Variants in PADI4 observed in about 807,000 individuals in gnomAD.
The protein encoded by PADI4 is protein-arginine deiminase type-4.
In PADI4, 62 loss-of-function variants were observed where a neutral mutation model predicts 75.0. The ratio of observed to expected loss-of-function variants is 0.83; its 90% CI spans 0.67 to 1.02. The LOEUF is 1.02. Ranked by LOEUF, PADI4 falls within the 50% of genes least tolerant of loss-of-function variation. The probability of loss-of-function intolerance (pLI) is 0.00; values close to 1 mark genes in which losing one functional copy is unlikely to be tolerated. For missense variants in PADI4, 845 were observed against 850.5 expected (o/e 0.99, Z 0.08); for synonymous variants, 361 against 348.1 (o/e 1.04, Z -0.41).
chr1:17,342,318 T>C lies in PADI4; in HGVS notation c.851T>C (p.Val284Ala), dbSNP rs1364382486. Residue 284 changes from valine to alanine, a missense_variant, in exon 8 of 16, where the codon GTG (valine) becomes GCG (alanine). By Grantham distance (64) the Val-to-Ala change is moderately conservative (BLOSUM62 0). Coordinates refer to ENST00000375448, the MANE Select transcript of PADI4 (RefSeq NM_012387.3). The part of the protein sequence containing the change: ...TSNLELPEAV[V>A]FQDSVVFRVA... Reference sequence around the variant, plus strand: ...CTGCAGGAGCTCCCCGAGGCTGTGGTGTTCCAAGACAGCGTGGTCTTCCGC... The same window carrying C: ...CTGCAGGAGCTCCCCGAGGCTGTGGCGTTCCAAGACAGCGTGGTCTTCCGC... 3 of 1,613,198 alleles carry C rather than the reference T, an allele frequency of 1.9e-6. No individual in the cohort carries two copies. The highest frequency in any genetic ancestry group is 2.2e-5 in the South Asian group (2 of 91,060).
chr1:17,335,467 C>A (rs907547621), intron 3 of PADI4, among the ~76,000 whole-genome samples: 1 of 152,212 alleles, frequency 6.6e-6, no homozygotes, highest in Non-Finnish European at 1.5e-5. Flanking sequence ...CCGGCCCTAA[C>A]TAAGACGTGG....
At chr1:17,309,172 GAAA>G (rs35072789) in intron 1 of PADI4, among the ~76,000 whole-genome samples, 132,941 of 143,730 alleles carry the variant, frequency 0.92, 62,146 homozygotes, top group East Asian at 1. Flanking sequence ...ATTTTCCCTG[GAAA>G]AAAAAAAAAA....
chr1:17,347,504 C>T (rs1240053860), intron 9 of PADI4, among the ~76,000 whole-genome samples: 6 of 152,090 alleles, frequency 3.9e-5, no homozygotes, highest in Admixed American at 6.6e-5. Context: ...GAGGAGGCCG[C>T]GAGCTCTGGC....
intron 10 of PADI4, chr1:17,348,587 C>T (rs1293324656): frequency 6.5e-6 from 1 of 152,712 alleles, no homozygotes; most frequent in Non-Finnish European, 1.5e-5. Context: ...GATGCAAACT[C>T]AGCACAGAAC....
At position 17,359,300 on chromosome 1, in the gene PADI4, C is replaced by CGAGCTGCTGAAGCGG; in HGVS notation, c.1657_1671dup (p.Leu553_Leu557dup). Reference sequence around the variant, plus strand: ...CCAAGAGATGCATCGACTGGAACCGCGAGCTGCTGAAGCGGGAGCTGGGCC... The same window carrying CGAGCTGCTGAAGCGG: ...CCAAGAGATGCATCGACTGGAACCGCGAGCTGCTGAAGCGGGAGCTGCTGAAGCGGGAGCTGGGCC... On this transcript the variant is annotated inframe_insertion, in exon 15 of 16. Transcript: ENST00000375448. 1.2e-6 allele frequency: 2 copies of CGAGCTGCTGAAGCGG among 1,613,524 alleles called. No homozygotes were observed. Among genetic ancestry groups the CGAGCTGCTGAAGCGG allele is most frequent in the Admixed American group, 3.3e-5 (2 of 59,960 alleles).
chr1:17,318,940 G>A (rs7534455), intron 1 of PADI4, among the ~76,000 whole-genome samples: 81,793 of 151,718 alleles, frequency 0.54, 22,339 homozygotes, highest in East Asian at 0.6. Flanking sequence ...CACCCGCCTC[G>A]GCCTCCCAAA....
In PADI4 at chr1:17,350,251, C is replaced by T. The variant is rs1484134033; in HGVS notation, c.1155+2203C>T. On this transcript the variant is annotated intron_variant, in intron 10 of 15. Transcript: ENST00000375448. ...ACACAGTGGTTGTTCTTCCTGTAAG[C>T]ATCGTCAGTAAATTTTCTATCACCA... is the stretch of plus-strand genomic sequence containing the variant. Among the ~76,000 whole-genome samples the T allele has an allele frequency of 3.1e-5, 4 of 129,414 alleles. 1 individual carries two copies. The highest frequency in any genetic ancestry group is 1.7e-5 in the Non-Finnish European group (1 of 57,356). The allele number at this position is 129,414 out of a possible 152,430, so 84.9% of individuals were successfully genotyped here.
chr1:17,311,378 C>T (rs533018714), intron 1 of PADI4, among the ~76,000 whole-genome samples: 1 of 152,286 alleles, frequency 6.6e-6, no homozygotes, highest in East Asian at 1.9e-4. Context: ...GGCACTGCTC[C>T]CTGTGGGCAG....
intron 10 of PADI4, among the ~76,000 whole-genome samples, chr1:17,353,512 T>C (rs1400814171): frequency 6.6e-6 from 1 of 151,718 alleles, no homozygotes. Flanking sequence ...TCTCAGGGAG[T>C]TCATGGCCCC....
chr1:17,332,877 C>G (rs1172661957), intron 2 of PADI4, among the ~76,000 whole-genome samples: 1 of 152,038 alleles, frequency 6.6e-6, no homozygotes, highest in Non-Finnish European at 1.5e-5. Context: ...AACTACCCAC[C>G]TAAGAGCAGG....
chr1:17,327,956 A>T (rs1163042140), intron 1 of PADI4, among the ~76,000 whole-genome samples: 1 of 150,860 alleles, frequency 6.6e-6, no homozygotes, highest in Admixed American at 6.6e-5. Flanking sequence ...TTATTATTGC[A>T]TTTTTTCCAT....
chr1:17,352,547 G>A (rs965019078), intron 10 of PADI4, among the ~76,000 whole-genome samples: 1 of 152,076 alleles, frequency 6.6e-6, no homozygotes, highest in Admixed American at 6.5e-5. Flanking sequence ...GCCAGAGGAG[G>A]TGAGAAGCCA....
At chr1:17,357,517 T>G (rs2074780321) in intron 13 of PADI4, among the ~76,000 whole-genome samples, 1 of 152,198 alleles carries the variant, frequency 6.6e-6, no homozygotes, top group African/African-American at 2.4e-5. Flanking sequence ...CTTGTAGCAT[T>G]TTTATCACAC....
In PADI4 at chr1:17,342,056, T is replaced by C; in HGVS notation, c.766T>C (p.Phe256Leu). Residue 256 changes from phenylalanine to leucine, a missense_variant, in exon 7 of 16, where the codon TTC (phenylalanine) becomes CTC (leucine). Phe to Leu is a conservative substitution (Grantham distance 22, BLOSUM62 0). Coordinates refer to ENST00000375448, the MANE Select transcript of PADI4 (RefSeq NM_012387.3). ...GGACTTCTACGTGGAGGCCCTCGCTTTCCCGGACACCGACTTCCCGGGGCT... is the reference window on the plus strand; with the variant it reads ...GGACTTCTACGTGGAGGCCCTCGCTCTCCCGGACACCGACTTCCCGGGGCT... ...NMDFYVEALA[F>L]PDTDFPGLIT... 6.2e-7 allele frequency: 1 copy of C among 1,614,090 alleles called. No homozygotes were observed. The highest frequency in any genetic ancestry group is 8.5e-7 in the Non-Finnish European group (1 of 1,179,978).
Position 17,338,095 on chromosome 1 carries a change from A to G in PADI4, c.466A>G (p.Arg156Gly). 2 of 1,613,752 alleles carry G rather than the reference A, an allele frequency of 1.2e-6. No homozygotes were observed. The highest frequency in any genetic ancestry group is 1.7e-6 in the Non-Finnish European group (2 of 1,179,734). The change falls in exon 5 of 16, where the codon AGA becomes GGA. Residue 156 changes from arginine (R) to glycine (G), a missense_variant. Physicochemically the swap from Arg to Gly is moderately radical, Grantham distance 125. Coordinates refer to ENST00000375448, the MANE Select transcript of PADI4 (RefSeq NM_012387.3). ...QGAILLVNCD[R>G]DNLESSAMDC... ...TGCCATCCTGCTGGTGAACTGTGAC[A>G]GAGACAATCTCGAATCTTCTGCCAT...
chr1:17,336,959 G>A (rs998499944), intron 4 of PADI4, among the ~76,000 whole-genome samples: 1 of 152,166 alleles, frequency 6.6e-6, no homozygotes, highest in African/African-American at 2.4e-5. Flanking sequence ...ATCCCTACAG[G>A]GTGGGGCTGC....
intron 10 of PADI4, among the ~76,000 whole-genome samples, chr1:17,351,708 T>C (rs1440402137): frequency 7.0e-6 from 1 of 142,168 alleles, no homozygotes; most frequent in Non-Finnish European, 1.5e-5. Context: ...TTGAGGGAGG[T>C]GAGCGAGTTG....
At chr1:17,329,702 A>G (rs1233393343) in intron 1 of PADI4, among the ~76,000 whole-genome samples, 1 of 152,104 alleles carries the variant, frequency 6.6e-6, no homozygotes, top group East Asian at 1.9e-4. Context: ...AGGGTCAACT[A>G]TTTTCCCGAA....
At chr1:17,349,761 C>T (rs2074588891) in intron 10 of PADI4, among the ~76,000 whole-genome samples, 1 of 121,622 alleles carries the variant, frequency 8.2e-6, no homozygotes, top group Middle Eastern at 4.7e-3. Context: ...CCAAATCACT[C>T]AGAATGAAGA....
Sources: gnomAD v4.1 joint callset for allele counts (sites outside exome capture counted in the v4.1 genomes callset) on GRCh38, gnomAD v4.1.1 for gene constraint, MANE v1.5 for transcripts, NCBI Gene and HGNC (gene_info 2026-07-23, HGNC 2026-07-21) for gene names.